Variants in CPEB3 observed in about 807,000 individuals in gnomAD.
CPEB3 encodes the protein cytoplasmic polyadenylation element-binding protein 3.
CPEB3 carries 20 observed loss-of-function variants against 67.2 expected under a neutral mutation model. That is an observed-to-expected ratio of 0.30 (90% CI 0.21 to 0.43). The LOEUF (loss-of-function observed/expected upper bound fraction) is 0.43. CPEB3 is among the 20% of genes least tolerant of loss of function. The pLI is 1.00. For synonymous variants in CPEB3, 376 were observed against 393.1 expected, an observed-to-expected ratio of 0.96 and a Z score of 0.51; for missense variants, 746 against 968.6, an observed-to-expected ratio of 0.77 and a Z score of 3.05.
At chr10:92,248,236 A>T (rs999452750) in intron 1 of CPEB3, among the ~76,000 whole-genome samples, 44 of 152,342 alleles carry the variant, frequency 2.9e-4, no homozygotes, top group Non-Finnish European at 4.3e-4. Flanking sequence ...TACCTAATAC[A>T]ATGTAAGTGT....
intron 7 of CPEB3, among the ~76,000 whole-genome samples, chr10:92,094,136 C>T (rs1192106516): frequency 6.6e-6 from 1 of 151,878 alleles, no homozygotes; most frequent in African/African-American, 2.4e-5. Flanking sequence ...ATTACGGGAG[C>T]GAGCCACTGT....
At chr10:92,074,724 C>G (rs896359939) in intron 9 of CPEB3, among the ~76,000 whole-genome samples, 2 of 152,076 alleles carry the variant, frequency 1.3e-5, no homozygotes, top group African/African-American at 4.8e-5. Context: ...GGACTTTGAC[C>G]TTTATCCCAA....
At chr10:92,162,903 C>G (rs1847560598) in intron 4 of CPEB3, among the ~76,000 whole-genome samples, 2 of 151,982 alleles carry the variant, frequency 1.3e-5, no homozygotes, top group African/African-American at 4.8e-5. Context: ...AAAGAAAGAC[C>G]CAGAGATTTC....
chr10:92,220,316 A>C (rs893406882), intron 2 of CPEB3, among the ~76,000 whole-genome samples: 1 of 152,220 alleles, frequency 6.6e-6, no homozygotes, highest in African/African-American at 2.4e-5. Context: ...TAAAATTAAC[A>C]CAAAGTTTAA....
intron 9 of CPEB3, among the ~76,000 whole-genome samples, chr10:92,079,696 G>C (rs1426014602): frequency 6.6e-6 from 1 of 152,032 alleles, no homozygotes; most frequent in African/African-American, 2.4e-5. Context: ...ATATAATCCT[G>C]AATATGAAAA....
At chr10:92,185,854 A>G (rs1393760956) in intron 3 of CPEB3, among the ~76,000 whole-genome samples, 1 of 152,222 alleles carries the variant, frequency 6.6e-6, no homozygotes, top group East Asian at 1.9e-4. Flanking sequence ...GTAAAAATAT[A>G]GTAAACTGTT....
chr10:92,128,125 G>C (rs984740748), intron 6 of CPEB3, among the ~76,000 whole-genome samples: 2 of 152,076 alleles, frequency 1.3e-5, no homozygotes, highest in African/African-American at 4.8e-5. Context: ...TTTTAACTGT[G>C]GTTAAGTAAC....
chr10:92,189,033 C>G (rs1848833540), intron 3 of CPEB3, among the ~76,000 whole-genome samples: 1 of 152,082 alleles, frequency 6.6e-6, no homozygotes, highest in Non-Finnish European at 1.5e-5. Flanking sequence ...ATCCTTTTTT[C>G]CCCTGAATCA....
chr10:92,252,298 C>CT (rs1176476807), intron 1 of CPEB3, among the ~76,000 whole-genome samples: 2 of 152,090 alleles, frequency 1.3e-5, no homozygotes, highest in Non-Finnish European at 2.9e-5. Flanking sequence ...GCAACCCCTC[C>CT]TTTTTTTAAG....
At chr10:92,271,456 T>C (rs1423480977) in intron 1 of CPEB3, among the ~76,000 whole-genome samples, 1 of 152,220 alleles carries the variant, frequency 6.6e-6, no homozygotes, top group Non-Finnish European at 1.5e-5. Context: ...TGTAGTCTCT[T>C]TTAATCTGGG....
At position 92,239,015 on chromosome 10, in the gene CPEB3, T is replaced by C. The variant is rs76186434; in HGVS notation, c.1005+331A>G. Among the ~76,000 whole-genome samples, 1,771 of 152,260 alleles carry C rather than the reference T, an allele frequency of 0.012. 100 individuals are homozygous for C. The East Asian group carries it at 0.16, about 14-fold the overall frequency. On this transcript the variant is annotated intron_variant, in intron 2 of 9. Transcript: ENST00000265997. This position sits in a 1 kb window ranked among gnomAD's most constrained non-coding sequence, Gnocchi z 6.0. Reference sequence around the variant, plus strand: ...TCTCAGCCTACTCATCCTGGGACTATGCCGGCACCTTGCCACACACTTGCA... The same window carrying C: ...TCTCAGCCTACTCATCCTGGGACTACGCCGGCACCTTGCCACACACTTGCA...
At chr10:92,226,262 T>G (rs959356477) in intron 2 of CPEB3, among the ~76,000 whole-genome samples, 3 of 152,244 alleles carry the variant, frequency 2.0e-5, no homozygotes, top group Admixed American at 2.0e-4. Flanking sequence ...ACACACAAAT[T>G]TAATCATTCC....
chr10:92,073,449 T>TCC (rs1842828472), intron 9 of CPEB3, among the ~76,000 whole-genome samples: 1 of 151,696 alleles, frequency 6.6e-6, no homozygotes, highest in Non-Finnish European at 1.5e-5. Flanking sequence ...GGGTTAGGAG[T>TCC]TTGAGACCAG....
intron 4 of CPEB3, among the ~76,000 whole-genome samples, chr10:92,175,741 C>T (rs1190494455): frequency 6.6e-6 from 1 of 152,184 alleles, no homozygotes; most frequent in African/African-American, 2.4e-5. Context: ...TACAGCTATG[C>T]TAGCTTATGT....
chr10:92,276,525 T>C (rs906303750), intron 1 of CPEB3, among the ~76,000 whole-genome samples: 3 of 151,678 alleles, frequency 2.0e-5, no homozygotes, highest in Admixed American at 6.6e-5. Flanking sequence ...GTGATCCACC[T>C]GCCTTGGCCT....
At chr10:92,157,607 T>C (rs1339552587) in intron 4 of CPEB3, among the ~76,000 whole-genome samples, 1 of 152,178 alleles carries the variant, frequency 6.6e-6, no homozygotes, top group Non-Finnish European at 1.5e-5. Context: ...CTTCATTTAC[T>C]TCCGGGGTAA....
At chr10:92,068,044 T>A (rs1842622098) in intron 9 of CPEB3, among the ~76,000 whole-genome samples, 3 of 152,358 alleles carry the variant, frequency 2.0e-5, no homozygotes, top group African/African-American at 7.2e-5. Context: ...GCTAGGGTTA[T>A]GAAAGATTTT....
intron 2 of CPEB3, among the ~76,000 whole-genome samples, chr10:92,224,603 T>C (rs1850871786): frequency 6.6e-6 from 1 of 151,924 alleles, no homozygotes; most frequent in South Asian, 2.1e-4. Context: ...GCATGGTGTC[T>C]CATGCCTGTA....
intron 2 of CPEB3, among the ~76,000 whole-genome samples, chr10:92,215,090 C>T (rs57381242): frequency 0.31 from 47,153 of 151,668 alleles, 7,640 homozygotes; most frequent in Admixed American, 0.43. Flanking sequence ...TCAAGTGATC[C>T]ACCCACCTTG....
Sources: gnomAD v4.1 joint callset for allele counts (sites outside exome capture counted in the v4.1 genomes callset) on GRCh38, gnomAD v4.1.1 for gene constraint, Gnocchi (gnomAD v3.1) non-coding constraint, MANE v1.5 for transcripts, NCBI Gene and HGNC (gene_info 2026-07-23, HGNC 2026-07-21) for gene names.